Variants in MEIKIN observed in about 807,000 individuals in gnomAD.
MEIKIN encodes meiotic kinetochore factor.
At chr5:131,825,351 T>C (rs150144274) in intron 11 of MEIKIN, among the ~76,000 whole-genome samples, 4 of 152,236 alleles carry the variant, frequency 2.6e-5, no homozygotes, top group Non-Finnish European at 5.9e-5. Flanking sequence ...CTAGGACTCA[T>C]AGGATTCAGA....
chr5:131,896,429 C>T (rs1428096504), intron 8 of MEIKIN, among the ~76,000 whole-genome samples: 4 of 152,160 alleles, frequency 2.6e-5, no homozygotes, highest in African/African-American at 9.7e-5. Flanking sequence ...AGTTCAAGTC[C>T]TGGATATCCT....
chr5:131,869,878 C>G (rs144960598), intron 9 of MEIKIN, among the ~76,000 whole-genome samples: 92 of 152,292 alleles, frequency 6.0e-4, no homozygotes, highest in African/African-American at 2.1e-3. Context: ...TCTCTGTATC[C>G]TCCTGTCTGT....
chr5:131,885,225 A>T (rs559595606), intron 8 of MEIKIN, among the ~76,000 whole-genome samples: 2 of 152,072 alleles, frequency 1.3e-5, no homozygotes, highest in African/African-American at 2.4e-5. Context: ...GCCTTGGGTG[A>T]GACCCAGTGC....
intron 11 of MEIKIN, among the ~76,000 whole-genome samples, 184 bp downstream of exon 11, chr5:131,851,080 T>C (rs1360751763): frequency 1.2e-4 from 18 of 152,184 alleles, no homozygotes; most frequent in African/African-American, 7.2e-5. Context: ...ATAAAAAATA[T>C]ACAATTTTGT....
At chr5:131,890,681 T>C (rs952600357) in intron 8 of MEIKIN, among the ~76,000 whole-genome samples, 17 of 152,262 alleles carry the variant, frequency 1.1e-4, no homozygotes, top group African/African-American at 3.9e-4. Context: ...CTGGATTCAT[T>C]GATTTTTTGA....
intron 9 of MEIKIN, among the ~76,000 whole-genome samples, chr5:131,860,909 G>T (rs1198894292): frequency 1.3e-5 from 2 of 151,030 alleles, no homozygotes; most frequent in Non-Finnish European, 3.0e-5. Flanking sequence ...TTACAGGCAT[G>T]CACCACCATG....
intron 7 of MEIKIN, among the ~76,000 whole-genome samples, chr5:131,913,687 T>A (rs1751365048): frequency 6.6e-6 from 1 of 152,210 alleles, no homozygotes; most frequent in Non-Finnish European, 1.5e-5. Flanking sequence ...TTTTACAAAC[T>A]CCACATAGAT....
intron 6 of MEIKIN, among the ~76,000 whole-genome samples, chr5:131,920,433 A>C (rs747719964): frequency 3.9e-5 from 6 of 152,256 alleles, no homozygotes; most frequent in Non-Finnish European, 5.9e-5. Flanking sequence ...AGTGAAATAA[A>C]GTTTGAGGAG....
chr5:131,872,953 G>A (rs1189045074), intron 9 of MEIKIN, among the ~76,000 whole-genome samples: 1 of 152,216 alleles, frequency 6.6e-6, no homozygotes, highest in Non-Finnish European at 1.5e-5. Context: ...AATGCTGAGA[G>A]ATGTTGTCAC....
intron 10 of MEIKIN, among the ~76,000 whole-genome samples, chr5:131,853,597 G>C (rs1360812007): frequency 6.6e-6 from 1 of 152,152 alleles, no homozygotes; most frequent in African/African-American, 2.4e-5. Context: ...CAAATTATTT[G>C]TAAATCATAT....
At chr5:131,846,792 C>T (rs1356096737) in intron 11 of MEIKIN, among the ~76,000 whole-genome samples, 1 of 152,036 alleles carries the variant, frequency 6.6e-6, no homozygotes, top group Non-Finnish European at 1.5e-5. Context: ...CTACACTCAG[C>T]CTGGGCAATA....
At chr5:131,908,767 C>T (rs146621524) in intron 8 of MEIKIN, among the ~76,000 whole-genome samples, 3,158 of 152,202 alleles carry the variant, frequency 0.021, 51 homozygotes, top group Admixed American at 0.066. Context: ...AAATCAGTGG[C>T]ATTTTCATAT....
At chr5:131,897,001 GT>G (rs1751064828) in intron 8 of MEIKIN, among the ~76,000 whole-genome samples, 1 of 152,190 alleles carries the variant, frequency 6.6e-6, no homozygotes, top group Non-Finnish European at 1.5e-5. Flanking sequence ...AATCTGGCAT[GT>G]TTTTGCAGTG....
intron 11 of MEIKIN, among the ~76,000 whole-genome samples, chr5:131,825,916 T>C (rs1749601419): frequency 6.6e-6 from 1 of 152,182 alleles, no homozygotes; most frequent in Admixed American, 6.5e-5. Context: ...AGTGGAATGA[T>C]ACCATCAAAG....
chr5:131,921,823 G>A lies in MEIKIN; in HGVS notation c.597C>T (p.Phe199=), dbSNP rs1031945390. Residue 199 remains phenylalanine (F), a splice_region_variant and synonymous_variant, in exon 6 of 13, where the codon TTC becomes TTT. Transcript: ENST00000442687. ...APQFSNVSAI[F]STSSEDYQKC... ...TGTTCCCCTGTGTGTGCAACTCACTGAAAATTGCTGAGACATTTGAAAACT... is the reference window on the plus strand; with the variant it reads ...TGTTCCCCTGTGTGTGCAACTCACTAAAAATTGCTGAGACATTTGAAAACT... 1 of 398,948 alleles carries A rather than the reference G, an allele frequency of 2.5e-6. No homozygotes were observed. The highest frequency in any genetic ancestry group is 4.4e-6 in the Non-Finnish European group (1 of 226,004). The allele number at this position is 398,948 out of a possible 1,614,324, so 24.7% of individuals were successfully genotyped here.
intron 8 of MEIKIN, among the ~76,000 whole-genome samples, chr5:131,899,396 T>C (rs1391568005): frequency 6.6e-6 from 1 of 151,604 alleles, no homozygotes; most frequent in African/African-American, 2.4e-5. Context: ...CCTTCATTAA[T>C]AGGAACACAA....
chr5:131,935,091 A>C (rs1311594823), intron 4 of MEIKIN, among the ~76,000 whole-genome samples: 1 of 151,394 alleles, frequency 6.6e-6, no homozygotes, highest in East Asian at 1.9e-4. Flanking sequence ...AAAAAAGACA[A>C]GCTACAGATA....
At chr5:131,931,738 A>G (rs1018882214) in intron 5 of MEIKIN, among the ~76,000 whole-genome samples, 5 of 152,210 alleles carry the variant, frequency 3.3e-5, no homozygotes, top group African/African-American at 1.2e-4. Context: ...CACAAAGGGA[A>G]CTGGTCCATA....
Position 131,896,709 on chromosome 5 carries a change from C to A in MEIKIN, c.703+15106G>T, listed in dbSNP as rs1406568252. Among the ~76,000 whole-genome samples the A allele has an allele frequency of 2.0e-5, 3 of 152,004 alleles. No individual in the cohort carries two copies. In the East Asian group the frequency reaches 5.8e-4, roughly 29 times the overall value. On this transcript the variant is annotated intron_variant, in intron 8 of 12. Transcript: ENST00000442687. ...TCAGAGACTAGGATTGCAACTACTG[C>A]TTTTTCTCGCTTTCCATTTGCTTGG... is the stretch of plus-strand genomic sequence containing the variant.
Sources: allele counts gnomAD v4.1 joint callset (sites outside exome capture counted in the v4.1 genomes callset), GRCh38; gene constraint gnomAD v4.1.1; transcripts MANE v1.5; gene names NCBI Gene and HGNC (gene_info 2026-07-23, HGNC 2026-07-21).